The following BCL11A variants were observed in gnomAD, a reference collection of about 807,000 sequenced individuals.
The protein encoded by BCL11A is BCL11 transcription factor A, also known as B cell CLL/lymphoma 11A.
Under a neutral mutation model 55.9 loss-of-function variants are expected in BCL11A, and 2 were observed. The observed-to-expected ratio is 0.04, with a 90% CI of 0.01 to 0.11. The LOEUF (loss-of-function observed/expected upper bound fraction) is 0.11. Among genes scored for constraint, BCL11A ranks in the 10% least tolerant of loss-of-function variants. The probability of loss-of-function intolerance (pLI) is 1.00; values close to 1 mark genes in which losing one functional copy is unlikely to be tolerated. For synonymous variants in BCL11A, 465 were observed against 473.4 expected (o/e 0.98, Z 0.23); for missense variants, 817 against 1,137.1 (o/e 0.72, Z 4.05).
chr2:60,498,019 G>A lies in BCL11A; in HGVS notation c.386-29186C>T, dbSNP rs1035679528. Among the ~76,000 whole-genome samples, 25 of 152,136 alleles carry A rather than the reference G, an allele frequency of 1.6e-4. 2 individuals are homozygous for A. The highest frequency in any genetic ancestry group is 1.4e-3 in the Admixed American group (21 of 15,282). On this transcript the variant is annotated intron_variant, in intron 2 of 3. Transcript: ENST00000642384. ...CAAAATCCAAGAGGCCCATGGAGGT[G>A]GGGAGATGAGGGACCCACCTGGCAG...
chr2:60,492,601 T>C (rs1678701155), intron 2 of BCL11A, among the ~76,000 whole-genome samples: 1 of 149,848 alleles, frequency 6.7e-6, no homozygotes, highest in African/African-American at 2.5e-5. Flanking sequence ...GATAACCCCA[T>C]CTCAGTGGGC....
At position 60,500,382 on chromosome 2, in the gene BCL11A, C is replaced by T. The variant is rs924251390; in HGVS notation, c.386-31549G>A. ...TGCTTCCCCGCCACCATTAACCGTG[C>T]CTCTGTGGGCTGACAGATGTGCCTT... On this transcript the variant is annotated intron_variant, in intron 2 of 3. Coordinates refer to ENST00000642384, the MANE Select transcript of BCL11A (RefSeq NM_022893.4). Among the ~76,000 whole-genome samples the T allele has an allele frequency of 2.6e-5, 4 of 152,186 alleles. No homozygotes were observed. The South Asian group carries it at 8.3e-4, about 31-fold the overall frequency.
intron 1 of BCL11A, among the ~76,000 whole-genome samples, chr2:60,549,436 G>GAAAAGCAAAGAAAC (rs1195837107): frequency 7.9e-5 from 12 of 152,338 alleles, no homozygotes; most frequent in African/African-American, 2.9e-4. Context: ...ATTCAGAGAG[G>GAAAAGCAAAGAAAC]AAAAGCAAAG....
chr2:60,509,664 G>C (rs1250183516), intron 2 of BCL11A, among the ~76,000 whole-genome samples: 1 of 152,098 alleles, frequency 6.6e-6, no homozygotes, highest in Non-Finnish European at 1.5e-5. Context: ...GAAGGAAAAA[G>C]AACAAAAAGA....
chr2:60,469,015 G>C (rs1420594619), intron 2 of BCL11A, among the ~76,000 whole-genome samples, 182 bp from the exon 3 acceptor site: 8 of 152,174 alleles, frequency 5.3e-5, no homozygotes, highest in Non-Finnish European at 7.4e-5. Flanking sequence ...CAGAGTTTCT[G>C]TTTTGTTTTC....
At chr2:60,503,832 T>C (rs774626417) in intron 2 of BCL11A, among the ~76,000 whole-genome samples, 21 of 152,234 alleles carry the variant, frequency 1.4e-4, no homozygotes, top group Non-Finnish European at 7.3e-5. Context: ...AGAGCTTTAT[T>C]ATTTTAATAA....
downstream of BCL11A, among the ~76,000 whole-genome samples, chr2:60,454,954 C>G (rs1490207232): frequency 2.0e-5 from 3 of 152,196 alleles, no homozygotes; most frequent in Non-Finnish European, 4.4e-5. Context: ...CACTTTCTGC[C>G]ATGGCCAGTG....
At chr2:60,472,204 T>C (rs150600686) in intron 2 of BCL11A, among the ~76,000 whole-genome samples, 113 of 152,344 alleles carry the variant, frequency 7.4e-4, no homozygotes, top group African/African-American at 2.6e-3. Flanking sequence ...AGGGCCTTCT[T>C]AGCATGAGAC....
Position 60,459,264 on chromosome 2 carries a change from T to C in BCL11A, c.*1140A>G. 9.8e-7 allele frequency: 1 copy of C among 1,018,346 alleles called. No individual in the cohort carries two copies. Among genetic ancestry groups the C allele is most frequent in the Non-Finnish European group, 1.2e-6 (1 of 848,644 alleles). 63.1% of individuals were successfully genotyped at this position (1,018,346 alleles called of 1,614,324 possible). Reference sequence around the variant, plus strand: ...CAAGTAGATCTGGATCTATTTCTTTTGGTGCCAGTATTTTTAAAAAGACAT... The same window carrying C: ...CAAGTAGATCTGGATCTATTTCTTTCGGTGCCAGTATTTTTAAAAAGACAT... On this transcript the variant is annotated 3_prime_UTR_variant, in exon 4 of 4. Transcript: ENST00000642384.
chr2:60,552,617 C>G (rs1305906266), intron 1 of BCL11A, among the ~76,000 whole-genome samples: 1 of 152,204 alleles, frequency 6.6e-6, no homozygotes, highest in African/African-American at 2.4e-5. Flanking sequence ...GCCGGGGGCC[C>G]CTTTCCACAG....
intron 2 of BCL11A, among the ~76,000 whole-genome samples, chr2:60,523,490 T>G (rs1349501569): frequency 6.6e-6 from 1 of 152,090 alleles, no homozygotes; most frequent in East Asian, 1.9e-4. Flanking sequence ...TTTCCTATTC[T>G]CTCTCTCTCC....
intron 2 of BCL11A, among the ~76,000 whole-genome samples, chr2:60,473,844 C>A (rs1677361653): frequency 6.6e-6 from 1 of 152,176 alleles, no homozygotes. Context: ...CAAAATCGCA[C>A]TCTCTTTTGT....
intron 2 of BCL11A, among the ~76,000 whole-genome samples, chr2:60,489,751 A>G (rs1678511664): frequency 6.6e-6 from 1 of 151,702 alleles, no homozygotes; most frequent in Admixed American, 6.5e-5. Context: ...CTATTTACTA[A>G]CCACTTTTAT....
At position 60,460,250 on chromosome 2, in the gene BCL11A, T is replaced by C; in HGVS notation, c.*154A>G. ...GCTGGTGACAAGCACTCTCATATTC[T>C]TAGCTTCGTTACTTCTGTTTGTTTG... On this transcript the variant is annotated 3_prime_UTR_variant, in exon 4 of 4. Coordinates refer to ENST00000642384, the MANE Select transcript of BCL11A (RefSeq NM_022893.4). 1 of 1,407,196 alleles carries C rather than the reference T, an allele frequency of 7.1e-7. No individual in the cohort carries two copies. Among genetic ancestry groups the C allele is most frequent in the Non-Finnish European group, 9.2e-7 (1 of 1,082,708 alleles). The allele number at this position is 1,407,196 out of a possible 1,614,324, so 87.2% of individuals were successfully genotyped here. A position where few individuals can be genotyped will look rare whatever the true frequency, so the allele number is the denominator to read the frequency against.
At chr2:60,497,889 C>A (rs1030223164) in intron 2 of BCL11A, among the ~76,000 whole-genome samples, 2 of 152,068 alleles carry the variant, frequency 1.3e-5, no homozygotes, top group African/African-American at 4.8e-5. Flanking sequence ...GCTTCCTCTG[C>A]AGGATGGAAG....
rs1459627849 is a variant in BCL11A at position 60,460,199 on chromosome 2, A to G, written c.*205T>C. On this transcript the variant is annotated 3_prime_UTR_variant, in exon 4 of 4. Coordinates refer to ENST00000642384, the MANE Select transcript of BCL11A (RefSeq NM_022893.4). ...AAAAAAAAAGGAAAAAGAAAAAAGA[A>G]AAAGAAAAAGAAAAAAAACAGGTGT... is the stretch of plus-strand genomic sequence containing the variant. 5 of 1,311,266 alleles carry G rather than the reference A, an allele frequency of 3.8e-6. No homozygotes were observed. The African/African-American group carries it at 6.1e-5, about 16-fold the overall frequency. The allele number at this position is 1,311,266 out of a possible 1,614,324, so 81.2% of individuals were successfully genotyped here.
rs973573664 is a variant in BCL11A at position 60,460,002 on chromosome 2, T to C, written c.*402A>G. ...GCAACATGTTTGCTCAGCAACGAAT[T>C]AGGGACAATTTAAAATAGCCATAAC... On this transcript the variant is annotated 3_prime_UTR_variant, in exon 4 of 4. Transcript: ENST00000642384. 5.6e-6 allele frequency: 6 copies of C among 1,070,246 alleles called. No individual in the cohort carries two copies. The African/African-American group carries it at 8.2e-5, about 15-fold the overall frequency. The allele number at this position is 1,070,246 out of a possible 1,614,324, so 66.3% of individuals were successfully genotyped here. A position where few individuals can be genotyped will look rare whatever the true frequency, so the allele number is the denominator to read the frequency against.
chr2:60,521,202 C>T (rs1402811471), intron 2 of BCL11A, among the ~76,000 whole-genome samples: 1 of 152,146 alleles, frequency 6.6e-6, no homozygotes, highest in African/African-American at 2.4e-5. Flanking sequence ...TGAAGCCAAA[C>T]CAGCCTAAAA....
intron 2 of BCL11A, among the ~76,000 whole-genome samples, chr2:60,471,698 T>C (rs902934585): frequency 1.3e-5 from 2 of 152,174 alleles, no homozygotes; most frequent in African/African-American, 2.4e-5. Flanking sequence ...AGAGATGGGC[T>C]CTGGTTGCTG....
Sources: gnomAD v4.1 joint callset for allele counts (sites outside exome capture counted in the v4.1 genomes callset) on GRCh38, gnomAD v4.1.1 for gene constraint, MANE v1.5 for transcripts, NCBI Gene and HGNC (gene_info 2026-07-23, HGNC 2026-07-21) for gene names.